Variants in PCNX2 observed in about 807,000 individuals in gnomAD.
The protein encoded by PCNX2 is pecanex 2, also known as pecanex-like protein 2.
A neutral mutation model predicts 223.8 loss-of-function variants in PCNX2; 168 were observed. That is an observed-to-expected ratio of 0.75 (90% CI 0.66 to 0.85). The LOEUF is 0.85. Among genes scored for constraint, PCNX2 ranks in the 40% least tolerant of loss-of-function variants. The pLI is 0.00. For missense variants in PCNX2, 2,507 were observed against 2,675.5 expected, an observed-to-expected ratio of 0.94 and a Z score of 1.39; for synonymous variants, 1,006 against 1,052.6, an observed-to-expected ratio of 0.96 and a Z score of 0.86.
At chr1:233,220,834 A>C (rs890198453) in intron 10 of PCNX2, among the ~76,000 whole-genome samples, 1 of 152,244 alleles carries the variant, frequency 6.6e-6, no homozygotes, top group African/African-American at 2.4e-5. Context: ...ATTTGAAGAA[A>C]TGAACAAATG....
At chr1:233,063,690 A>T (rs901217391) in intron 23 of PCNX2, among the ~76,000 whole-genome samples, 3 of 152,024 alleles carry the variant, frequency 2.0e-5, no homozygotes, top group African/African-American at 7.2e-5. Flanking sequence ...AATTTTGAAA[A>T]TTTTCTATTA....
intron 32 of PCNX2, among the ~76,000 whole-genome samples, chr1:232,996,506 A>G (rs1220154609): frequency 6.8e-6 from 1 of 147,834 alleles, no homozygotes; most frequent in African/African-American, 2.5e-5. Flanking sequence ...CTCAGAGTAA[A>G]CAGCATGGGG....
At chr1:233,288,749 C>A (rs1661584000) in intron 1 of PCNX2, 1 of 610,350 alleles carries the variant, frequency 1.6e-6, no homozygotes, top group Non-Finnish European at 2.8e-6. Flanking sequence ...CAGCCCAAAT[C>A]TGGAGGGACT....
intron 32 of PCNX2, among the ~76,000 whole-genome samples, chr1:232,987,944 G>A (rs555675585): frequency 1.0e-3 from 154 of 152,334 alleles, no homozygotes; most frequent in African/African-American, 3.3e-3. Context: ...GGGGGCTTCC[G>A]CAGGACGGGG....
At chr1:233,075,734 C>CACAA (rs903442361) in intron 23 of PCNX2, among the ~76,000 whole-genome samples, 1 of 151,386 alleles carries the variant, frequency 6.6e-6, no homozygotes, top group Non-Finnish European at 1.5e-5. Context: ...CACACACACA[C>CACAA]ACACAACAGA....
At chr1:233,261,363 T>C (rs749987026) in intron 3 of PCNX2, 42 bp from the exon 4 acceptor site, 1 of 1,589,832 alleles carries the variant, frequency 6.3e-7, no homozygotes, top group Non-Finnish European at 8.6e-7. Flanking sequence ...ATGACTCAGC[T>C]GACCGTCCAT....
chr1:233,091,974 T>C (rs1315453707), intron 22 of PCNX2, among the ~76,000 whole-genome samples: 2 of 152,158 alleles, frequency 1.3e-5, no homozygotes, highest in Non-Finnish European at 2.9e-5. Context: ...TACTGTGATA[T>C]CTATTATCAC....
At chr1:233,186,666 C>T (rs1680115502) in intron 15 of PCNX2, among the ~76,000 whole-genome samples, 1 of 152,208 alleles carries the variant, frequency 6.6e-6, no homozygotes, top group Non-Finnish European at 1.5e-5. Flanking sequence ...TATGTGAACA[C>T]ATATGGCAAG....
the PCNX2 span, among the ~76,000 whole-genome samples, chr1:233,309,391 AT>A: frequency 6.6e-6 from 1 of 151,838 alleles, no homozygotes; most frequent in African/African-American, 2.4e-5. Context: ...AAATACAAAA[AT>A]CAGCTGGGCG....
chr1:233,024,209 C>G (rs775150340), intron 26 of PCNX2, among the ~76,000 whole-genome samples: 5 of 152,232 alleles, frequency 3.3e-5, no homozygotes, highest in Non-Finnish European at 7.3e-5. Context: ...ACCACCATGT[C>G]TGGATTTATT....
intron 23 of PCNX2, 174 bp downstream of exon 23, chr1:233,089,886 TG>T (rs1311103923): frequency 7.2e-7 from 1 of 1,394,420 alleles, no homozygotes; most frequent in Admixed American, 3.3e-5. Flanking sequence ...TCCAGATCCC[TG>T]AGACCCAAGA....
intron 19 of PCNX2, among the ~76,000 whole-genome samples, chr1:233,159,957 A>G (rs1054213162): frequency 1.3e-5 from 2 of 152,230 alleles, no homozygotes; most frequent in East Asian, 3.8e-4. Flanking sequence ...TGGGAACAGC[A>G]TAATCTTCAA....
At chr1:233,060,377 C>A (rs1672360362) in intron 23 of PCNX2, among the ~76,000 whole-genome samples, 1 of 152,202 alleles carries the variant, frequency 6.6e-6, no homozygotes, top group East Asian at 1.9e-4. Flanking sequence ...TTACTAAACT[C>A]CTTAGGGAAC....
intron 25 of PCNX2, among the ~76,000 whole-genome samples, chr1:233,046,649 T>C (rs954577024): frequency 9.9e-5 from 15 of 152,210 alleles, no homozygotes; most frequent in African/African-American, 2.7e-4. Context: ...CTACTGTGGC[T>C]GGCAGGAAGA....
the PCNX2 span, among the ~76,000 whole-genome samples, chr1:233,316,339 G>A: frequency 6.6e-6 from 1 of 152,116 alleles, no homozygotes; most frequent in African/African-American, 2.4e-5. Flanking sequence ...ACTTATTACT[G>A]TTACCGTATC....
upstream of PCNX2, among the ~76,000 whole-genome samples, chr1:233,299,903 AT>A (rs952583617): frequency 5.6e-4 from 86 of 152,286 alleles, no homozygotes; most frequent in African/African-American, 2.1e-3. Flanking sequence ...TCCTTCTTAG[AT>A]TCTTTCCATC....
At chr1:233,162,855 A>T (rs1678574402) in intron 17 of PCNX2, among the ~76,000 whole-genome samples, 1 of 152,196 alleles carries the variant, frequency 6.6e-6, no homozygotes, top group South Asian at 2.1e-4. Context: ...ATCATGTGTT[A>T]TGTTTAACTG....
At chr1:233,013,395 A>G (rs1018595187) in intron 28 of PCNX2, among the ~76,000 whole-genome samples, 2 of 152,156 alleles carry the variant, frequency 1.3e-5, no homozygotes, top group Non-Finnish European at 2.9e-5. Flanking sequence ...CACAACTCTT[A>G]CTTGATGATA....
chr1:233,036,923 G>A (rs921018634), intron 25 of PCNX2, among the ~76,000 whole-genome samples: 4 of 152,142 alleles, frequency 2.6e-5, no homozygotes, highest in Non-Finnish European at 5.9e-5. Context: ...CTTTCCCTGC[G>A]ATAGCAAAGA....
Sources: allele counts gnomAD v4.1 joint callset (sites outside exome capture counted in the v4.1 genomes callset), GRCh38; gene constraint gnomAD v4.1.1; transcripts MANE v1.5; gene names NCBI Gene and HGNC (gene_info 2026-07-23, HGNC 2026-07-21).